Variants in F2RL1 observed in about 807,000 individuals in gnomAD.
The protein encoded by F2RL1 is F2R like trypsin receptor 1.
In F2RL1, 16 loss-of-function variants were observed where a neutral mutation model predicts 21.7. The observed-to-expected ratio is 0.74, with a 90% CI of 0.50 to 1.12. F2RL1 has a LOEUF of 1.12. Among genes scored for constraint, F2RL1 ranks in the 50% most tolerant of loss-of-function variants. The pLI, the probability that F2RL1 is intolerant of heterozygous loss-of-function variation, is 0.00. For missense variants in F2RL1, 432 were observed against 477.8 expected, an observed-to-expected ratio of 0.90 and a Z score of 0.89; for synonymous variants, 181 against 186.7, an observed-to-expected ratio of 0.97 and a Z score of 0.25.
intron 1 of F2RL1, among the ~76,000 whole-genome samples, chr5:76,831,057 C>T (rs1293623119): frequency 6.6e-6 from 1 of 152,076 alleles, no homozygotes; most frequent in East Asian, 1.9e-4. Context: ...TTACTTACTC[C>T]TGCAGGTTCA....
rs1211745385 is a variant in F2RL1 at position 76,832,904 on chromosome 5, C to T, written c.297C>T (p.Val99=). ...GLPSNGMALW[V]FLFRTKKKHP... is the part of the protein sequence containing the mutation. Reference sequence around the variant, plus strand: ...CAAGTAACGGCATGGCCCTGTGGGTCTTTCTTTTCCGAACTAAGAAGAAGC... The same window carrying T: ...CAAGTAACGGCATGGCCCTGTGGGTTTTTCTTTTCCGAACTAAGAAGAAGC... The change falls in exon 2 of 2, where the codon GTC becomes GTT. Residue 99 remains valine (V), a synonymous_variant. Coordinates refer to ENST00000296677, the MANE Select transcript of F2RL1 (RefSeq NM_005242.6). 1.9e-6 allele frequency: 3 copies of T among 1,614,194 alleles called. No individual in the cohort carries two copies. Among genetic ancestry groups the T allele is most frequent in the Non-Finnish European group, 2.5e-6 (3 of 1,180,046 alleles).
intron 1 of F2RL1, among the ~76,000 whole-genome samples, chr5:76,830,085 T>C (rs1025658880): frequency 1.3e-5 from 2 of 152,270 alleles, no homozygotes; most frequent in South Asian, 2.1e-4. Flanking sequence ...AATCAAGGAA[T>C]TGGGGCCACA....
At chr5:76,827,212 TG>T (rs1750255604) in intron 1 of F2RL1, among the ~76,000 whole-genome samples, 1 of 149,824 alleles carries the variant, frequency 6.7e-6, no homozygotes, top group Non-Finnish European at 1.5e-5. Context: ...CTGGGCGTGG[TG>T]GCTCACGCCT....
At chr5:76,828,768 A>T (rs896538780) in intron 1 of F2RL1, among the ~76,000 whole-genome samples, 1 of 152,006 alleles carries the variant, frequency 6.6e-6, no homozygotes, top group Non-Finnish European at 1.5e-5. Context: ...CACTGGGATT[A>T]TAGGCATGAA....
intron 1 of F2RL1, among the ~76,000 whole-genome samples, chr5:76,827,600 C>CTTTTTTT (rs70982643): frequency 1.9e-5 from 2 of 104,986 alleles, no homozygotes; most frequent in South Asian, 3.0e-4. Flanking sequence ...CATATAGTAA[C>CTTTTTTT]TTTTTTTTTT....
At chr5:76,828,352 C>A (rs933619146) in intron 1 of F2RL1, among the ~76,000 whole-genome samples, 15 of 152,068 alleles carry the variant, frequency 9.9e-5, no homozygotes, top group Non-Finnish European at 1.6e-4. Context: ...ATAATTTCAT[C>A]CTAAAGTATT....
intron 1 of F2RL1, among the ~76,000 whole-genome samples, chr5:76,824,864 A>C (rs1287939822): frequency 6.6e-6 from 1 of 152,176 alleles, no homozygotes; most frequent in African/African-American, 2.4e-5. Flanking sequence ...TTGAGATACA[A>C]AATTCAAATA....
At chr5:76,825,994 A>G (rs1373459100) in intron 1 of F2RL1, among the ~76,000 whole-genome samples, 1 of 152,156 alleles carries the variant, frequency 6.6e-6, no homozygotes, top group Non-Finnish European at 1.5e-5. Context: ...ATTTTTATGG[A>G]GAATTTTAAT....
intron 1 of F2RL1, among the ~76,000 whole-genome samples, chr5:76,824,493 T>G (rs536100812): frequency 5.1e-4 from 77 of 152,056 alleles, no homozygotes; most frequent in African/African-American, 1.8e-3. Context: ...CACACCCAGC[T>G]AATTTTTGTA....
chr5:76,830,511 C>G (rs532147781), intron 1 of F2RL1, among the ~76,000 whole-genome samples: 2 of 152,206 alleles, frequency 1.3e-5, no homozygotes, highest in East Asian at 3.9e-4. Context: ...CTTCTGACCT[C>G]GTGATCCACC....
At chr5:76,825,345 C>T (rs1011712965) in intron 1 of F2RL1, among the ~76,000 whole-genome samples, 2 of 151,972 alleles carry the variant, frequency 1.3e-5, no homozygotes, top group African/African-American at 4.8e-5. Context: ...GGCTGTCTTT[C>T]CATTTCAATA....
intron 1 of F2RL1, among the ~76,000 whole-genome samples, chr5:76,819,851 C>T (rs1750096168): frequency 6.6e-6 from 1 of 152,082 alleles, no homozygotes; most frequent in African/African-American, 2.4e-5. Flanking sequence ...CCCCTGCGTT[C>T]GAGACCCACC....
chr5:76,826,694 C>T (rs2243075), intron 1 of F2RL1, among the ~76,000 whole-genome samples: 3 of 151,904 alleles, frequency 2.0e-5, no homozygotes, highest in Non-Finnish European at 2.9e-5. Flanking sequence ...TTAGTAGAGA[C>T]TGGGTTTCAC....
intron 1 of F2RL1, among the ~76,000 whole-genome samples, chr5:76,825,454 TG>T (rs2150605626): frequency 6.6e-6 from 1 of 152,112 alleles, no homozygotes; most frequent in South Asian, 2.1e-4. Flanking sequence ...TGTAACTGAG[TG>T]GGGGGATGCT....
chr5:76,833,519 CCTT>C lies in F2RL1; in HGVS notation c.915_917del (p.Leu307del), dbSNP rs779439389. 10 of 1,613,754 alleles carry C rather than the reference CCTT, an allele frequency of 6.2e-6. No homozygotes were observed. The highest frequency in any genetic ancestry group is 1.6e-4 in the Middle Eastern group (1 of 6,062). ...ACCTGATCTGCTTCACTCCTAGTAA[CCTT>C]CTGCTTGTGGTGCATTATTTTCTGA... On this transcript the variant is annotated inframe_deletion, in exon 2 of 2. Coordinates refer to ENST00000296677, the MANE Select transcript of F2RL1 (RefSeq NM_005242.6).
chr5:76,824,821 C>T (rs1412237634), intron 1 of F2RL1, among the ~76,000 whole-genome samples: 1 of 151,992 alleles, frequency 6.6e-6, no homozygotes, highest in Admixed American at 6.6e-5. Context: ...TGCCAAATTA[C>T]CCACCAAAAA....
chr5:76,819,049 G>A lies in F2RL1; in HGVS notation c.-134G>A. On this transcript the variant is annotated 5_prime_UTR_variant, in exon 1 of 2. Transcript: ENST00000296677. ...TTCCCTGAAACCTAACCCGCCCTGG[G>A]GAGGCGCGCAGCAGAGGCTCCGATT... 1 of 713,848 alleles carries A rather than the reference G, an allele frequency of 1.4e-6. No individual in the cohort carries two copies. The highest frequency in any genetic ancestry group is 1.8e-5 in the South Asian group (1 of 55,448). 44.2% of individuals were successfully genotyped at this position (713,848 alleles called of 1,614,324 possible).
Position 76,832,899 on chromosome 5 carries a change from T to G in F2RL1, c.292T>G (p.Trp98Gly), listed in dbSNP as rs1003568019. Residue 98 changes from tryptophan (W) to glycine (G), a missense_variant, in exon 2 of 2, where the codon TGG (tryptophan) becomes GGG (glycine). By Grantham distance (184) the Trp-to-Gly change is radical. Coordinates refer to ENST00000296677, the MANE Select transcript of F2RL1 (RefSeq NM_005242.6). ...TTTGCCAAGTAACGGCATGGCCCTG[T>G]GGGTCTTTCTTTTCCGAACTAAGAA... ...VGLPSNGMAL[W>G]VFLFRTKKKH... 2.5e-6 allele frequency: 4 copies of G among 1,614,124 alleles called. No homozygotes were observed. The African/African-American group carries it at 4.0e-5, about 16-fold the overall frequency.
intron 1 of F2RL1, among the ~76,000 whole-genome samples, chr5:76,822,044 A>G (rs1750145396): frequency 6.6e-6 from 1 of 152,248 alleles, no homozygotes. Context: ...TATTACATCC[A>G]TGCACAAAAT....
Sources: allele counts gnomAD v4.1 joint callset (sites outside exome capture counted in the v4.1 genomes callset), GRCh38; gene constraint gnomAD v4.1.1; transcripts MANE v1.5; gene names NCBI Gene and HGNC (gene_info 2026-07-23, HGNC 2026-07-21).